Variants in LIPE observed in about 807,000 individuals in gnomAD.
LIPE encodes the protein lipase E, hormone sensitive type.
In LIPE, 66 loss-of-function variants were observed where a neutral mutation model predicts 88.5. That is an observed-to-expected ratio of 0.75 (90% CI 0.61 to 0.91). The LOEUF is 0.91. LIPE is among the 40% of genes least tolerant of loss of function. The pLI is 0.00. For synonymous variants in LIPE, 570 were observed against 617.5 expected, an observed-to-expected ratio of 0.92 and a Z score of 1.14; for missense variants, 1,346 against 1,434.7, an observed-to-expected ratio of 0.94 and a Z score of 1.00.
chr19:42,407,160 G>A lies in LIPE; in HGVS notation c.2137+14C>T, dbSNP rs1039305199. 46 of 1,481,734 alleles carry A rather than the reference G, an allele frequency of 3.1e-5. No homozygotes were observed. Among genetic ancestry groups the A allele is most frequent in the Non-Finnish European group, 4.0e-5 (45 of 1,113,588 alleles). The allele number at this position is 1,481,734 out of a possible 1,614,324, so 91.8% of individuals were successfully genotyped here. A position where few individuals can be genotyped will look rare whatever the true frequency, so the allele number is the denominator to read the frequency against. On this transcript the variant is annotated intron_variant, in intron 6 of 9. Transcript: ENST00000244289. The surrounding 1 kb of genome is among the most constrained non-coding windows in gnomAD (Gnocchi z 5.8). Reference sequence around the variant, plus strand: ...GGGAGCAGGCGCAGGTGGCTGTGGGGGCCTGAGGCTCACCAAGGAGGGCGC... The same window carrying A: ...GGGAGCAGGCGCAGGTGGCTGTGGGAGCCTGAGGCTCACCAAGGAGGGCGC...
chr19:42,408,270 G>T lies in LIPE; in HGVS notation c.1472C>A (p.Ser491Tyr). The T allele has an allele frequency of 6.2e-7, 1 of 1,614,106 alleles. No homozygotes were observed. The highest frequency in any genetic ancestry group is 8.5e-7 in the Non-Finnish European group (1 of 1,180,030). The change falls in exon 3 of 10, where the codon TCC becomes TAC. Residue 491 changes from serine (S) to tyrosine (Y), a missense_variant. Ser to Tyr is a moderately radical substitution (Grantham distance 144, BLOSUM62 -2). Transcript: ENST00000244289. This position sits in a 1 kb window ranked among gnomAD's most constrained non-coding sequence, Gnocchi z 4.3. ...GTTGCGTTTGTAGTGCTCCCCGAAG[G>T]ACACCAGCCCAATGGAGATGGTCTG... is the stretch of plus-strand genomic sequence containing the variant. ...FLQTISIGLV[S>Y]FGEHYKRNET...
At position 42,407,522 on chromosome 19, in the gene LIPE, G is replaced by A; in HGVS notation, c.1843-54C>T. Reference sequence around the variant, plus strand: ...AGGTTGGGGAGAGCTGGCCAGGGCTGCACCCCTCCATGGGGATGCCAAGGT... The same window carrying A: ...AGGTTGGGGAGAGCTGGCCAGGGCTACACCCCTCCATGGGGATGCCAAGGT... On this transcript the variant is annotated intron_variant, in intron 5 of 9. Coordinates refer to ENST00000244289, the MANE Select transcript of LIPE (RefSeq NM_005357.4). This position sits in a 1 kb window ranked among gnomAD's most constrained non-coding sequence, Gnocchi z 5.8. 1 of 1,582,678 alleles carries A rather than the reference G, an allele frequency of 6.3e-7. No individual in the cohort carries two copies. Among genetic ancestry groups the A allele is most frequent in the Admixed American group, 1.7e-5 (1 of 58,396 alleles).
intron 1 of LIPE, among the ~76,000 whole-genome samples, chr19:42,415,487 A>C (rs1470761493): frequency 1.3e-5 from 2 of 151,866 alleles, no homozygotes; most frequent in African/African-American, 4.8e-5. Flanking sequence ...TAAAAGTGCT[A>C]CTCCAGTGAA....
intron 1 of LIPE, among the ~76,000 whole-genome samples, chr19:42,418,977 C>G (rs778042215): frequency 3.3e-5 from 5 of 152,028 alleles, no homozygotes; most frequent in African/African-American, 7.2e-5. Flanking sequence ...CGGTAGGGAT[C>G]TTTTAAGATG....
intron 1 of LIPE, among the ~76,000 whole-genome samples, chr19:42,412,884 C>T (rs2147638774): frequency 6.6e-6 from 1 of 152,356 alleles, no homozygotes; most frequent in Non-Finnish European, 1.5e-5. Context: ...CCAGCCCTGC[C>T]TGTCCCTCCT....
chr19:42,421,059 C>A (rs547946209), intron 1 of LIPE, among the ~76,000 whole-genome samples: 1 of 152,228 alleles, frequency 6.6e-6, no homozygotes, highest in Admixed American at 6.5e-5. Context: ...CCACCATGCC[C>A]GGCTAATGTT....
chr19:42,421,623 C>G (rs895912347), intron 1 of LIPE, among the ~76,000 whole-genome samples: 2 of 152,238 alleles, frequency 1.3e-5, no homozygotes, highest in Non-Finnish European at 2.9e-5. Flanking sequence ...TGTGCGTCCA[C>G]AAACTCCCTG....
chr19:42,406,155 C>A lies in LIPE; in HGVS notation c.2365+6G>T, dbSNP rs371479925. 53 of 1,597,732 alleles carry A rather than the reference C, an allele frequency of 3.3e-5. No individual in the cohort carries two copies. In the African/African-American group the frequency reaches 6.7e-4, roughly 20 times the overall value. ...CCTGTTTCCCTGCTGAGGGTGTGGG[C>A]CTCACCAGCATAGGCGCTGACACAC... On this transcript the variant is annotated splice_donor_region_variant and intron_variant, in intron 7 of 9. Transcript: ENST00000244289. This position sits in a 1 kb window ranked among gnomAD's most constrained non-coding sequence, Gnocchi z 5.7.
chr19:42,409,400 CAAA>C (rs760628566), intron 2 of LIPE, among the ~76,000 whole-genome samples: 2 of 72,920 alleles, frequency 2.7e-5, no homozygotes, highest in Non-Finnish European at 5.8e-5. Flanking sequence ...AAACAAAATA[CAAA>C]AAAAAAAAAA....
chr19:42,408,395 G>T lies in LIPE; in HGVS notation c.1420-73C>A, dbSNP rs2040261495. The stretch of plus-strand genomic sequence containing the variant: ...GGACAGGGCAGGAGCGAGGCACAGG[G>T]ATGTGCGGGGAAGACACATTCATTC... On this transcript the variant is annotated intron_variant, in intron 2 of 9. Transcript: ENST00000244289. This position sits in a 1 kb window ranked among gnomAD's most constrained non-coding sequence, Gnocchi z 4.3. 7.6e-6 allele frequency: 9 copies of T among 1,176,666 alleles called. No homozygotes were observed. The Admixed American group carries it at 1.5e-4, about 20-fold the overall frequency. 72.9% of individuals were successfully genotyped at this position (1,176,666 alleles called of 1,614,324 possible).
At position 42,401,940 on chromosome 19, in the gene LIPE, C is replaced by G; in HGVS notation, c.3103G>C (p.Glu1035Gln). Residue 1035 changes from glutamate (E) to glutamine (Q), a missense_variant, in exon 10 of 10, where the codon GAG becomes CAG. By Grantham distance (29) the Glu-to-Gln change is conservative. Transcript: ENST00000244289. The part of the protein sequence containing the change: ...GFLTLAALCR[E>Q]TRQAAELCVE... The stretch of plus-strand genomic sequence containing the variant: ...CACAGCTCTGCGGCCTGGCGCGTCT[C>G]GCGGCACAGCGCCGCTAGGGTCAGG... The G allele has an allele frequency of 6.4e-7, 1 of 1,555,580 alleles. No homozygotes were observed. Among genetic ancestry groups the G allele is most frequent in the Non-Finnish European group, 8.7e-7 (1 of 1,154,952 alleles).
At position 42,401,840 on chromosome 19, in the gene LIPE, ACCCCCGCAGCCCCCGTCTC is replaced by A. The variant is rs2039980434; in HGVS notation, c.3184_3202del (p.Glu1062Ter). The A allele has an allele frequency of 1.4e-6, 2 of 1,453,882 alleles. No homozygotes were observed. The highest frequency in any genetic ancestry group is 2.6e-5 in the Admixed American group (1 of 38,676). The allele number at this position is 1,453,882 out of a possible 1,614,324, so 90.1% of individuals were successfully genotyped here. A position where few individuals can be genotyped will look rare whatever the true frequency, so the allele number is the denominator to read the frequency against. On this transcript the variant is annotated frameshift_variant, in exon 10 of 10. Transcript: ENST00000244289. LOFTEE classifies it high-confidence loss of function. ...GTGTCGCCCCCCGCAGCCCCCGTCT[ACCCCCGCAGCCCCCGTCTC>A]CCCGCTCGGCCCGGCTCCGGCGGGA...
chr19:42,412,856 G>C (rs1054528142), intron 1 of LIPE, among the ~76,000 whole-genome samples: 16 of 152,182 alleles, frequency 1.1e-4, no homozygotes, highest in Admixed American at 6.5e-4. Context: ...CCAGCTGTTG[G>C]GGGGAGAGAG....
intron 1 of LIPE, chr19:42,424,133 C>T (rs1242451062): frequency 8.3e-7 from 1 of 1,201,458 alleles, no homozygotes; most frequent in Admixed American, 3.3e-5. Flanking sequence ...TCCTAGTTCT[C>T]CTATTGCGCT....
intron 9 of LIPE, 150 bp downstream of exon 9, chr19:42,402,457 C>CG (rs768993672): frequency 2.6e-5 from 17 of 646,858 alleles, no homozygotes. Context: ...CCCGTTCGTT[C>CG]GGGGCATTGT....
chr19:42,423,477 AT>A (rs2040642014), intron 1 of LIPE: 1 of 1,287,916 alleles, frequency 7.8e-7, no homozygotes, highest in Non-Finnish European at 1.0e-6. Context: ...CCTCTTTGGC[AT>A]TCTTCGAGGC....
chr19:42,417,045 T>C (rs980830392), intron 1 of LIPE, among the ~76,000 whole-genome samples: 3 of 152,134 alleles, frequency 2.0e-5, no homozygotes, highest in Non-Finnish European at 2.9e-5. Flanking sequence ...CTCAGCCTCC[T>C]GAGTAGCTGG....
chr19:42,426,635 G>A lies in LIPE; in HGVS notation c.515C>T (p.Pro172Leu), dbSNP rs754423067. The A allele has an allele frequency of 2.8e-5, 45 of 1,614,186 alleles. No individual in the cohort carries two copies. The South Asian group carries it at 3.6e-4, about 13-fold the overall frequency. Residue 172 changes from proline to leucine, a missense_variant, in exon 1 of 10, where the codon CCG (proline) becomes CTG (leucine). Transcript: ENST00000244289. ...TGTCTCTTGGGACGTAGATTCAGTC[G>A]GGGCAGATGGCTCCCTTTTGGCTCC... ...KPGAKREPSA[P>L]TESTSQETPE...
Position 42,402,816 on chromosome 19 carries a change from C to G in LIPE, c.2758G>C (p.Glu920Gln), listed in dbSNP as rs1245867589. ...AGCTCATTTTTGGCCTCAGCCTCTT[C>G]CCCTGCATCCTCAGGTGGTAATAAG... ...NFLLPPEDAG[E>Q]EAEAKNELSP... The change falls in exon 9 of 10, where the codon GAA becomes CAA. Residue 920 changes from glutamate to glutamine, a missense_variant. Physicochemically the swap from Glu to Gln is conservative, Grantham distance 29. Coordinates refer to ENST00000244289, the MANE Select transcript of LIPE (RefSeq NM_005357.4). 4.3e-6 allele frequency: 7 copies of G among 1,613,382 alleles called. No homozygotes were observed. The highest frequency in any genetic ancestry group is 4.5e-5 in the East Asian group (2 of 44,844).
Sources: allele counts gnomAD v4.1 joint callset (sites outside exome capture counted in the v4.1 genomes callset), GRCh38; gene constraint gnomAD v4.1.1; non-coding constraint Gnocchi (gnomAD v3.1); transcripts MANE v1.5; gene names NCBI Gene and HGNC (gene_info 2026-07-23, HGNC 2026-07-21).